Variants in ATF6B observed in about 807,000 individuals in gnomAD.
The protein encoded by ATF6B is cyclic AMP-dependent transcription factor ATF-6 beta.
Under a neutral mutation model 83.5 loss-of-function variants are expected in ATF6B, and 50 were observed. The observed-to-expected ratio is 0.60, with a 90% CI of 0.48 to 0.76. ATF6B has a LOEUF of 0.76. Ranked by LOEUF, ATF6B falls within the 30% of genes least tolerant of loss-of-function variation. The pLI, the probability that ATF6B is intolerant of heterozygous loss-of-function variation, is 0.00. For synonymous variants in ATF6B, 344 were observed against 362.8 expected (o/e 0.95, Z 0.59); for missense variants, 790 against 893.8 (o/e 0.88, Z 1.48).
intron 3 of ATF6B, 95 bp from the exon 4 acceptor site, chr6:32,127,289 A>G: frequency 7.2e-7 from 1 of 1,383,500 alleles, no homozygotes; most frequent in South Asian, 1.3e-5. Context: ...CCTGTACCGC[A>G]GCAAGGGAGA....
chr6:32,117,656 A>G lies in ATF6B; in HGVS notation c.1463T>C (p.Leu488Pro). The part of the protein sequence containing the change: ...TAFPGGAKEL[L>P]LRDLDQLFLS... ...GAAGAGCTGGTCTAGGTCTCTTAGTAGTAGCTCCTTGGCGCCCCCAGGGAA... is the reference window on the plus strand; with the variant it reads ...GAAGAGCTGGTCTAGGTCTCTTAGTGGTAGCTCCTTGGCGCCCCCAGGGAA... The change falls in exon 13 of 18, where the codon CTA becomes CCA. Residue 488 changes from leucine to proline, a missense_variant. By Grantham distance (98) the Leu-to-Pro change is moderately conservative. Coordinates refer to ENST00000375203, the MANE Select transcript of ATF6B (RefSeq NM_004381.5). This position sits in a 1 kb window ranked among gnomAD's most constrained non-coding sequence, Gnocchi z 5.0. The G allele has an allele frequency of 6.2e-7, 1 of 1,614,208 alleles. No homozygotes were observed. The highest frequency in any genetic ancestry group is 8.5e-7 in the Non-Finnish European group (1 of 1,180,026).
Position 32,117,077 on chromosome 6 carries a change from C to T in ATF6B, c.1645G>A (p.Val549Ile). Residue 549 changes from valine (V) to isoleucine (I), a missense_variant, in exon 15 of 18, where the codon GTT (valine) becomes ATT (isoleucine). By Grantham distance (29) the Val-to-Ile change is conservative (BLOSUM62 3). Coordinates refer to ENST00000375203, the MANE Select transcript of ATF6B (RefSeq NM_004381.5). This position sits in a 1 kb window ranked among gnomAD's most constrained non-coding sequence, Gnocchi z 5.0. ...GGGGGTTGGATGGGGACTGCCTTAA[C>T]TGGAGGTGACTTCTTCCGTGGCTGA... ...KSQPRKKSPP[V>I]KAVPIQPPGP... 6.2e-7 allele frequency: 1 copy of T among 1,614,118 alleles called. No homozygotes were observed. Among genetic ancestry groups the T allele is most frequent in the Non-Finnish European group, 8.5e-7 (1 of 1,179,990 alleles).
In ATF6B at chr6:32,116,630, C is replaced by T. The variant is rs1781539791; in HGVS notation, c.1798-66G>A. The T allele has an allele frequency of 2.5e-6, 4 of 1,604,092 alleles. No individual in the cohort carries two copies. In the South Asian group the frequency reaches 4.4e-5, roughly 18 times the overall value. ...GATGCCAACAAGCTCCCCAGCCCTACTCTACATCCCCCCACTGAAGACAGA... is the reference window on the plus strand; with the variant it reads ...GATGCCAACAAGCTCCCCAGCCCTATTCTACATCCCCCCACTGAAGACAGA... On this transcript the variant is annotated intron_variant, in intron 16 of 17. Coordinates refer to ENST00000375203, the MANE Select transcript of ATF6B (RefSeq NM_004381.5). This position sits in a 1 kb window ranked among gnomAD's most constrained non-coding sequence, Gnocchi z 5.1.
At position 32,115,627 on chromosome 6, in the gene ATF6B, C is replaced by A; in HGVS notation, c.*112G>T. The A allele has an allele frequency of 1.0e-6, 1 of 954,154 alleles. No homozygotes were observed. The highest frequency in any genetic ancestry group is 1.6e-6 in the Non-Finnish European group (1 of 633,382). The allele number at this position is 954,154 out of a possible 1,614,324, so 59.1% of individuals were successfully genotyped here. A position where few individuals can be genotyped will look rare whatever the true frequency, so the allele number is the denominator to read the frequency against. ...AATAAGTGCTTAACCCCCACACCTG[C>A]TCTTTCCTTTACCAATTGCCCCAAG... On this transcript the variant is annotated 3_prime_UTR_variant, in exon 18 of 18. Transcript: ENST00000375203.
At chr6:32,127,282 G>T in intron 3 of ATF6B, 88 bp from the exon 4 acceptor site, 1 of 1,393,506 alleles carries the variant, frequency 7.2e-7, no homozygotes. Context: ...GGGGATTCCT[G>T]TACCGCAGCA....
At chr6:32,127,927 A>G (rs551770703) in intron 1 of ATF6B, among the ~76,000 whole-genome samples, 177 bp from the exon 2 acceptor site, 104 of 151,918 alleles carry the variant, frequency 6.8e-4, no homozygotes, top group Middle Eastern at 3.4e-3. Flanking sequence ...GAACAACTCG[A>G]CGTTCCAGCA....
At chr6:32,121,379 A>G (rs1781762092) in intron 5 of ATF6B, 31 bp from the exon 6 acceptor site, 4 of 1,591,100 alleles carry the variant, frequency 2.5e-6, no homozygotes, top group African/African-American at 1.3e-5. Flanking sequence ...CAAAAGCTGG[A>G]TATCATGTAA....
At position 32,118,330 on chromosome 6, in the gene ATF6B, A is replaced by G. The variant is rs978486471; in HGVS notation, c.1245-292T>C. On this transcript the variant is annotated intron_variant, in intron 11 of 17. Coordinates refer to ENST00000375203, the MANE Select transcript of ATF6B (RefSeq NM_004381.5). The surrounding 1 kb of genome is among the most constrained non-coding windows in gnomAD (Gnocchi z 5.2). ...GCAGGAGGCCGGGCGAGGTGGCTCA[A>G]GCCTGTAATCCTAGCACTTTGGGAG... is the stretch of plus-strand genomic sequence containing the variant. Among the ~76,000 whole-genome samples the G allele has an allele frequency of 6.6e-6, 1 of 152,122 alleles. No homozygotes were observed. The highest frequency in any genetic ancestry group is 2.4e-5 in the African/African-American group (1 of 41,432).
chr6:32,115,979 G>A lies in ATF6B; in HGVS notation c.1883-11C>T. The A allele has an allele frequency of 6.2e-7, 1 of 1,607,604 alleles. No individual in the cohort carries two copies. The highest frequency in any genetic ancestry group is 8.5e-7 in the Non-Finnish European group (1 of 1,175,122). On this transcript the variant is annotated splice_polypyrimidine_tract_variant and intron_variant, in intron 17 of 17. Transcript: ENST00000375203. ...GGCCTGACAGGGTCTCTGTGAGAAG[G>A]GGAGAGTTAAGGAAGAGGAGATGGG...
chr6:32,117,360 C>G lies in ATF6B; in HGVS notation c.1577G>C (p.Gly526Ala), dbSNP rs762950323. Reference protein sequence around the residue: ...LSGWVQRHQRGRRKIPQRAQE... With the variant: ...LSGWVQRHQRARRKIPQRAQE... Reference sequence around the variant, plus strand: ...GGCCCTCTGAGGGATCTTCCTCCGGCCTCTCTGGTGGCGCTGGACCCAGCC... The same window carrying G: ...GGCCCTCTGAGGGATCTTCCTCCGGGCTCTCTGGTGGCGCTGGACCCAGCC... Residue 526 changes from glycine (G) to alanine (A), a missense_variant, in exon 14 of 18, where the codon GGC (glycine) becomes GCC (alanine). By Grantham distance (60) the Gly-to-Ala change is moderately conservative (BLOSUM62 0). Coordinates refer to ENST00000375203, the MANE Select transcript of ATF6B (RefSeq NM_004381.5). This position sits in a 1 kb window ranked among gnomAD's most constrained non-coding sequence, Gnocchi z 5.0. The G allele has an allele frequency of 2.5e-6, 4 of 1,614,102 alleles. No individual in the cohort carries two copies. The highest frequency in any genetic ancestry group is 2.5e-6 in the Non-Finnish European group (3 of 1,179,990).
At position 32,128,154 on chromosome 6, in the gene ATF6B, G is replaced by A. The variant is rs1324428781; in HGVS notation, c.54C>T (p.Thr18=). ...AGTCCTCCGGGCTAAGCAGGTTGTC[G>A]GTGAAGAAACGCGTCGGGTCAGCAA... ...SEIADPTRFF[T]DNLLSPEDWG... Residue 18 remains threonine (T), a synonymous_variant, in exon 1 of 18, where the codon ACC becomes ACT. Transcript: ENST00000375203. The A allele has an allele frequency of 6.2e-7, 1 of 1,613,186 alleles. No homozygotes were observed. Among genetic ancestry groups the A allele is most frequent in the Non-Finnish European group, 8.5e-7 (1 of 1,179,986 alleles).
rs2127332128 is a variant in ATF6B, at chr6:32,117,081, AG to A, written c.1640del (p.Pro547LeufsTer74). 2.5e-6 allele frequency: 4 copies of A among 1,614,032 alleles called. No individual in the cohort carries two copies. Among genetic ancestry groups the A allele is most frequent in the Non-Finnish European group, 2.5e-6 (3 of 1,179,962 alleles). Reference protein sequence around the residue: ...RQKSQPRKKSPPVKAVPIQPP... With the variant: ...RQKSQPRKKSXPVKAVPIQPP... ...GTTGGATGGGGACTGCCTTAACTGG[AG>A]GTGACTTCTTCCGTGGCTGAGACTT... On this transcript the variant is annotated frameshift_variant, in exon 15 of 18. Coordinates refer to ENST00000375203, the MANE Select transcript of ATF6B (RefSeq NM_004381.5). LOFTEE classifies it high-confidence loss of function. The surrounding 1 kb of genome is among the most constrained non-coding windows in gnomAD (Gnocchi z 5.0).
In ATF6B at chr6:32,116,492, T is replaced by G; in HGVS notation, c.1870A>C (p.Met624Leu). 6.2e-7 allele frequency: 1 copy of G among 1,609,972 alleles called. No homozygotes were observed. Among genetic ancestry groups the G allele is most frequent in the Non-Finnish European group, 8.5e-7 (1 of 1,177,798 alleles). Residue 624 changes from methionine to leucine, a missense_variant, in exon 17 of 18, where the codon ATG (methionine) becomes CTG (leucine). Around this residue, in one of 3 missense-constraint regions of ATF6B, gnomAD observed 530 missense variants for 632.6 expected, o/e 0.84. Transcript: ENST00000375203. This position sits in a 1 kb window ranked among gnomAD's most constrained non-coding sequence, Gnocchi z 5.1. ...GGGAAAGAGTTACCATTGGGGGCCA[T>G]GGCAGGCATCACCAGGGACATCTTG... Reference protein sequence around the residue: ...RPKMSLVMPAMAPNETLSGRG... With the variant: ...RPKMSLVMPALAPNETLSGRG...
rs34302822 is a variant in ATF6B, at chr6:32,125,189, T to TC, written c.478+927dup. Among the ~76,000 whole-genome samples the TC allele has an allele frequency of 4.6e-5, 7 of 152,182 alleles. No homozygotes were observed. The highest frequency in any genetic ancestry group is 1.7e-4 in the African/African-American group (7 of 41,440). ...CTGTATTGACTGGTACTTGTCTTTC[T>TC]CCCATTACCAAATCACAGGGTTTGA... On this transcript the variant is annotated intron_variant, in intron 5 of 17. Coordinates refer to ENST00000375203, the MANE Select transcript of ATF6B (RefSeq NM_004381.5). This position sits in a 1 kb window ranked among gnomAD's most constrained non-coding sequence, Gnocchi z 4.1.
intron 5 of ATF6B, among the ~76,000 whole-genome samples, chr6:32,124,409 G>A (rs1405827078): frequency 6.6e-6 from 1 of 152,112 alleles, no homozygotes; most frequent in Non-Finnish European, 1.5e-5. Flanking sequence ...TCTCAAGTCT[G>A]CTTTCTTCAT....
Position 32,126,049 on chromosome 6 carries a change from A to G in ATF6B, c.478+68T>C, listed in dbSNP as rs146665224. 3,212 of 1,594,816 alleles carry G rather than the reference A, an allele frequency of 2.0e-3. 53 individuals are homozygous for G. In the African/African-American group the frequency reaches 0.035, roughly 17 times the overall value. The stretch of plus-strand genomic sequence containing the variant: ...CTGCACTTCCCCTCCATCTACACAC[A>G]TACACACACACACATAACACATTCT... On this transcript the variant is annotated intron_variant, in intron 5 of 17. Coordinates refer to ENST00000375203, the MANE Select transcript of ATF6B (RefSeq NM_004381.5).
At position 32,125,756 on chromosome 6, in the gene ATF6B, G is replaced by A. The variant is rs966213567; in HGVS notation, c.478+361C>T. On this transcript the variant is annotated intron_variant, in intron 5 of 17. Coordinates refer to ENST00000375203, the MANE Select transcript of ATF6B (RefSeq NM_004381.5). This position sits in a 1 kb window ranked among gnomAD's most constrained non-coding sequence, Gnocchi z 4.1. ...AGCCCGAGCGACAGTGTGAGACTCT[G>A]TCTCAACAACAACAAAAATGTTTAT... is the stretch of plus-strand genomic sequence containing the variant. Among the ~76,000 whole-genome samples, 6 of 152,162 alleles carry A rather than the reference G, an allele frequency of 3.9e-5. No individual in the cohort carries two copies. The highest frequency in any genetic ancestry group is 1.4e-4 in the African/African-American group (6 of 41,424).
chr6:32,119,594 T>A lies in ATF6B; in HGVS notation c.966+230A>T, dbSNP rs1781672206. 6.6e-6 allele frequency among the ~76,000 whole-genome samples: 1 copy of A among 152,096 alleles called. No individual in the cohort carries two copies. Among genetic ancestry groups the A allele is most frequent in the Non-Finnish European group, 1.5e-5 (1 of 68,018 alleles). On this transcript the variant is annotated intron_variant, in intron 9 of 17. Coordinates refer to ENST00000375203, the MANE Select transcript of ATF6B (RefSeq NM_004381.5). This position sits in a 1 kb window ranked among gnomAD's most constrained non-coding sequence, Gnocchi z 4.9. ...CTTTAATTTATGGAGACCAACCCCA[T>A]TTCTCCATCTGCAGTGACAGCAAAC... is the stretch of plus-strand genomic sequence containing the variant.
At chr6:32,120,693 C>A in intron 8 of ATF6B, 78 bp downstream of exon 8, 2 of 1,518,454 alleles carry the variant, frequency 1.3e-6, no homozygotes, top group East Asian at 2.4e-5. Context: ...TCAGGTGATT[C>A]GCCCGCCTCA....
Sources: gnomAD v4.1 joint callset for allele counts (sites outside exome capture counted in the v4.1 genomes callset) on GRCh38, gnomAD v4.1.1 for gene constraint, gnomAD v4.1.1 regional missense constraint, Gnocchi (gnomAD v3.1) non-coding constraint, MANE v1.5 for transcripts, NCBI Gene and HGNC (gene_info 2026-07-23, HGNC 2026-07-21) for gene names.